The following ADRA1B variants were observed in gnomAD, a reference collection of about 807,000 sequenced individuals.
ADRA1B encodes adrenoceptor alpha 1B.
Under a neutral mutation model 17.9 loss-of-function variants are expected in ADRA1B, and 17 were observed. The observed-to-expected ratio is 0.95, with a 90% confidence interval of 0.65 to 1.42. The LOEUF is 1.42. Ranked by LOEUF, ADRA1B falls within the 40% of genes most tolerant of loss-of-function variation. The pLI is 0.00. For synonymous variants in ADRA1B, 366 were observed against 327.6 expected (o/e 1.12, Z -1.27); for missense variants, 681 against 722.1 (o/e 0.94, Z 0.65).
chr5:159,968,333 T>A (rs1041235825), intron 1 of ADRA1B, among the ~76,000 whole-genome samples: 2 of 152,234 alleles, frequency 1.3e-5, no homozygotes, highest in Non-Finnish European at 2.9e-5. Flanking sequence ...CTGGCTATGA[T>A]GAATCTTAGC....
chr5:159,919,493 A>C (rs1754418519), intron 1 of ADRA1B, among the ~76,000 whole-genome samples: 3 of 152,258 alleles, frequency 2.0e-5, no homozygotes, highest in Admixed American at 1.3e-4. Context: ...GGGCTGATTA[A>C]TATTTGCTCC....
At chr5:159,970,780 G>C (rs1374732543) in intron 1 of ADRA1B, among the ~76,000 whole-genome samples, 1 of 152,154 alleles carries the variant, frequency 6.6e-6, no homozygotes, top group African/African-American at 2.4e-5. Context: ...CAGCCTATCA[G>C]GTATGTCCCT....
At chr5:159,890,494 G>C (rs1416271865) in intron 1 of ADRA1B, among the ~76,000 whole-genome samples, 4 of 152,182 alleles carry the variant, frequency 2.6e-5, no homozygotes, top group Non-Finnish European at 5.9e-5. Flanking sequence ...GTCCAGATAA[G>C]TTGTTTCCAT....
intron 1 of ADRA1B, among the ~76,000 whole-genome samples, chr5:159,902,498 A>G (rs987768352): frequency 1.3e-5 from 2 of 152,206 alleles, no homozygotes; most frequent in Non-Finnish European, 2.9e-5. Flanking sequence ...ACCATTTAAA[A>G]AAAAAAAAGG....
At chr5:159,875,182 C>T (rs948853286) in intron 1 of ADRA1B, among the ~76,000 whole-genome samples, 2 of 152,118 alleles carry the variant, frequency 1.3e-5, no homozygotes, top group African/African-American at 2.4e-5. Context: ...ACAACAGTGG[C>T]CTTTTCAGTA....
intron 1 of ADRA1B, chr5:159,871,136 A>T (rs376667734): frequency 6.6e-6 from 1 of 152,160 alleles, no homozygotes; most frequent in African/African-American, 2.4e-5. Flanking sequence ...TTAGCCATCA[A>T]TTTGCTCTGC....
intron 1 of ADRA1B, among the ~76,000 whole-genome samples, chr5:159,962,044 C>CA (rs1755672828): frequency 6.6e-6 from 1 of 152,052 alleles, no homozygotes; most frequent in South Asian, 2.1e-4. Context: ...TCAAAAAATA[C>CA]AAAAATTAGC....
downstream of ADRA1B, among the ~76,000 whole-genome samples, chr5:159,975,687 T>A (rs1470504079): frequency 6.6e-6 from 1 of 152,158 alleles, no homozygotes; most frequent in East Asian, 1.9e-4. Context: ...GTGGCTTACA[T>A]CCCCTAGAGG....
At chr5:159,879,216 T>TCGGATTAG (rs1268464364) in intron 1 of ADRA1B, among the ~76,000 whole-genome samples, 1 of 152,098 alleles carries the variant, frequency 6.6e-6, no homozygotes, top group Non-Finnish European at 1.5e-5. Flanking sequence ...GAGGATTTGC[T>TCGGATTAG]CGGATTAGCG....
chr5:159,922,330 G>A (rs1309805518), intron 1 of ADRA1B, among the ~76,000 whole-genome samples: 1 of 152,172 alleles, frequency 6.6e-6, no homozygotes, highest in East Asian at 1.9e-4. Flanking sequence ...CTGGTCCAAG[G>A]TCACACATCA....
chr5:159,897,563 T>C (rs1368589578), intron 1 of ADRA1B, among the ~76,000 whole-genome samples: 3 of 152,102 alleles, frequency 2.0e-5, no homozygotes, highest in Middle Eastern at 6.3e-3. Context: ...ATTTCCCCAC[T>C]GCCAGAAATG....
intron 1 of ADRA1B, among the ~76,000 whole-genome samples, chr5:159,903,709 G>C (rs1308715674): frequency 1.3e-5 from 2 of 152,282 alleles, no homozygotes; most frequent in East Asian, 3.9e-4. Context: ...TACTGTGGCT[G>C]CATAGCAACC....
chr5:159,916,302 C>G (rs1009318509), upstream of ADRA1B: 23 of 152,182 alleles, frequency 1.5e-4, no homozygotes, highest in Admixed American at 1.4e-3. Flanking sequence ...CTCGCGGCCC[C>G]TGCCCCCGCC....
At chr5:159,917,928 T>C (rs984762714) in intron 1 of ADRA1B, 74 bp downstream of exon 1, 1 of 1,303,514 alleles carries the variant, frequency 7.7e-7, no homozygotes, top group Non-Finnish European at 1.1e-6. Flanking sequence ...TACTCTAAAG[T>C]TTTTTGTGGG....
intron 1 of ADRA1B, among the ~76,000 whole-genome samples, chr5:159,881,299 T>TTCTCTCTGTC (rs56069000): frequency 0.074 from 9,760 of 131,960 alleles, 840 homozygotes; most frequent in Non-Finnish European, 0.094. Flanking sequence ...TATCAGAAAG[T>TTCTCTCTGTC]TCTCTCTCTC....
intron 1 of ADRA1B, among the ~76,000 whole-genome samples, chr5:159,956,952 C>CG (rs1755560992): frequency 6.6e-6 from 1 of 152,056 alleles, no homozygotes; most frequent in South Asian, 2.1e-4. Flanking sequence ...GGCTCACTGC[C>CG]ACCTCCACCT....
intron 1 of ADRA1B, chr5:159,868,444 C>A (rs1466247464): frequency 6.6e-6 from 1 of 152,118 alleles, no homozygotes; most frequent in African/African-American, 2.4e-5. Flanking sequence ...AGGATTGGGA[C>A]AAAAGGTCTT....
At chr5:159,955,065 C>A in intron 1 of ADRA1B, 1 of 830,010 alleles carries the variant, frequency 1.2e-6, no homozygotes, top group Non-Finnish European at 1.5e-6. Flanking sequence ...GCAGCAAAGA[C>A]TAATCATTTC....
chr5:159,898,331 A>G (rs1754059320), intron 1 of ADRA1B, among the ~76,000 whole-genome samples: 1 of 152,238 alleles, frequency 6.6e-6, no homozygotes, highest in Non-Finnish European at 1.5e-5. Context: ...GCTGTAAGAC[A>G]GGAGGGCAGA....
Sources: gnomAD v4.1 joint callset for allele counts (sites outside exome capture counted in the v4.1 genomes callset) on GRCh38, gnomAD v4.1.1 for gene constraint, MANE v1.5 for transcripts, NCBI Gene and HGNC (gene_info 2026-07-23, HGNC 2026-07-21) for gene names.